Variants in IMMP1L observed in about 807,000 individuals in gnomAD.
IMMP1L encodes mitochondrial inner membrane protease subunit 1.
IMMP1L carries 24 observed loss-of-function variants against 21.8 expected under a neutral mutation model. The observed-to-expected ratio is 1.10, with a 90% CI of 0.80 to 1.55. IMMP1L has a LOEUF of 1.55. IMMP1L is among the 40% of genes most tolerant of loss of function. The pLI is 0.00. For synonymous variants in IMMP1L, 46 were observed against 62.8 expected (o/e 0.73, Z 1.26); for missense variants, 195 against 200.7 (o/e 0.97, Z 0.17).
intron 4 of IMMP1L, among the ~76,000 whole-genome samples, chr11:31,440,881 G>C (rs1953303595): frequency 1.3e-5 from 2 of 152,068 alleles, no homozygotes; most frequent in Admixed American, 1.3e-4. Flanking sequence ...AGGCAATTAT[G>C]TACAAACAAG....
At chr11:31,501,740 G>A (rs1433832726) in intron 1 of IMMP1L, among the ~76,000 whole-genome samples, 2 of 151,816 alleles carry the variant, frequency 1.3e-5, no homozygotes, top group African/African-American at 4.8e-5. Context: ...GATCACTTGA[G>A]GCCAGGAGTT....
At chr11:31,499,943 T>C (rs1368976062) in intron 1 of IMMP1L, among the ~76,000 whole-genome samples, 2 of 95,110 alleles carry the variant, frequency 2.1e-5, no homozygotes, top group African/African-American at 7.5e-5. Flanking sequence ...ACTTCTTAAA[T>C]AAATAAATAA....
intron 4 of IMMP1L, chr11:31,452,561 G>C: frequency 1.0e-6 from 1 of 985,348 alleles, no homozygotes; most frequent in Non-Finnish European, 1.2e-6. Context: ...AGCAAACTGA[G>C]GAATTCCTGT....
chr11:31,467,964 G>A (rs185136261), intron 1 of IMMP1L, among the ~76,000 whole-genome samples: 1 of 152,036 alleles, frequency 6.6e-6, no homozygotes, highest in Non-Finnish European at 1.5e-5. Flanking sequence ...ACCTAAATCT[G>A]ATCATGAACA....
chr11:31,469,329 C>A (rs1366519375), intron 1 of IMMP1L, among the ~76,000 whole-genome samples: 1 of 151,772 alleles, frequency 6.6e-6, no homozygotes, highest in African/African-American at 2.4e-5. Context: ...AACATATGAA[C>A]ACTTTAAAAT....
At position 31,460,723 on chromosome 11, in the gene IMMP1L, A is replaced by T; in HGVS notation, c.106-9T>A. On this transcript the variant is annotated splice_polypyrimidine_tract_variant and intron_variant, in intron 2 of 5. Coordinates refer to ENST00000532287, the MANE Select transcript of IMMP1L (RefSeq NM_001304274.2). ...ATTGATGGTCCAGAACACTGAAAAGAGAGGTAATTTGTAATCTAAATTCAA... is the reference window on the plus strand; with the variant it reads ...ATTGATGGTCCAGAACACTGAAAAGTGAGGTAATTTGTAATCTAAATTCAA... 1 of 1,525,654 alleles carries T rather than the reference A, an allele frequency of 6.6e-7. No individual in the cohort carries two copies. The highest frequency in any genetic ancestry group is 9.0e-7 in the Non-Finnish European group (1 of 1,105,626). 94.5% of individuals were successfully genotyped at this position (1,525,654 alleles called of 1,614,324 possible).
chr11:31,496,746 A>C (rs1955451074), intron 1 of IMMP1L, among the ~76,000 whole-genome samples: 1 of 148,822 alleles, frequency 6.7e-6, no homozygotes, highest in Non-Finnish European at 1.5e-5. Flanking sequence ...TTAATATGTT[A>C]TAATTTACAT....
At chr11:31,444,171 C>T (rs1437219010) in intron 4 of IMMP1L, among the ~76,000 whole-genome samples, 1 of 152,108 alleles carries the variant, frequency 6.6e-6, no homozygotes, top group African/African-American at 2.4e-5. Flanking sequence ...TAAACCTCAT[C>T]AATACAACTG....
intron 4 of IMMP1L, among the ~76,000 whole-genome samples, chr11:31,438,696 G>A (rs1413874426): frequency 1.3e-5 from 2 of 152,090 alleles, no homozygotes; most frequent in African/African-American, 4.8e-5. Flanking sequence ...AGTATTTGTT[G>A]CATCTGTTTT....
chr11:31,453,397 T>A (rs915671748), intron 4 of IMMP1L, among the ~76,000 whole-genome samples: 2 of 152,190 alleles, frequency 1.3e-5, no homozygotes, highest in African/African-American at 4.8e-5. Flanking sequence ...TATTTTAATA[T>A]TGTTCATTTT....
intron 4 of IMMP1L, chr11:31,437,140 C>T (rs770317222): frequency 4.4e-6 from 2 of 450,110 alleles, no homozygotes; most frequent in African/African-American, 2.0e-5. Flanking sequence ...GGTTGAGTAT[C>T]TCTTATCTGA....
At chr11:31,484,171 A>G (rs1954994801) in intron 1 of IMMP1L, among the ~76,000 whole-genome samples, 1 of 151,946 alleles carries the variant, frequency 6.6e-6, no homozygotes, top group Admixed American at 6.6e-5. Flanking sequence ...ATTTTCAACT[A>G]CTAACATATT....
intron 1 of IMMP1L, among the ~76,000 whole-genome samples, chr11:31,467,803 G>A: frequency 6.9e-6 from 1 of 145,640 alleles, no homozygotes; most frequent in African/African-American, 2.6e-5. Context: ...TTTTTACAAA[G>A]GGAACAAGGT....
intron 4 of IMMP1L, among the ~76,000 whole-genome samples, chr11:31,448,195 G>C (rs192967451): frequency 6.6e-6 from 1 of 152,172 alleles, no homozygotes; most frequent in Non-Finnish European, 1.5e-5. Flanking sequence ...TGCAGTCCCA[G>C]CTACTCAGGA....
intron 1 of IMMP1L, among the ~76,000 whole-genome samples, chr11:31,480,170 A>G (rs951498008): frequency 4.6e-5 from 7 of 152,068 alleles, no homozygotes; most frequent in Admixed American, 1.3e-4. Context: ...GAAAGGGATG[A>G]ACTTTTTTCT....
intron 4 of IMMP1L, among the ~76,000 whole-genome samples, chr11:31,455,185 C>G (rs537469290): frequency 6.6e-6 from 1 of 152,056 alleles, no homozygotes. Flanking sequence ...TATAGGGCAA[C>G]CAGAGGCTAT....
chr11:31,434,568 A>T (rs1953052052), intron 4 of IMMP1L, among the ~76,000 whole-genome samples: 2 of 152,184 alleles, frequency 1.3e-5, no homozygotes, highest in African/African-American at 4.8e-5. Flanking sequence ...GAAGAAAAAT[A>T]CACTACTGGG....
At chr11:31,487,819 C>T (rs570607701) in intron 1 of IMMP1L, among the ~76,000 whole-genome samples, 3 of 151,998 alleles carry the variant, frequency 2.0e-5, no homozygotes, top group Admixed American at 6.5e-5. Context: ...AGATGCTGCT[C>T]AACAGGAAGC....
chr11:31,481,890 T>C (rs529016362), intron 1 of IMMP1L, among the ~76,000 whole-genome samples: 2 of 152,174 alleles, frequency 1.3e-5, no homozygotes, highest in African/African-American at 4.8e-5. Flanking sequence ...GTAACAGGGA[T>C]TGTGTCTGTG....
Sources: gnomAD v4.1 joint callset for allele counts (sites outside exome capture counted in the v4.1 genomes callset) on GRCh38, gnomAD v4.1.1 for gene constraint, MANE v1.5 for transcripts, NCBI Gene and HGNC (gene_info 2026-07-23, HGNC 2026-07-21) for gene names.